Variants in HSDL1 observed in about 807,000 individuals in gnomAD.
HSDL1 encodes inactive hydroxysteroid dehydrogenase-like protein 1.
In HSDL1, 29 loss-of-function variants were observed where a neutral mutation model predicts 31.5. The ratio of observed to expected loss-of-function variants is 0.92; its 90% CI spans 0.69 to 1.26. The LOEUF (loss-of-function observed/expected upper bound fraction) is 1.26, where lower values mean the gene tolerates loss of function less well. Ranked by LOEUF, HSDL1 falls within the 50% of genes most tolerant of loss-of-function variation. The probability of loss-of-function intolerance (pLI) is 0.00; values close to 1 mark genes in which losing one functional copy is unlikely to be tolerated. For missense variants in HSDL1, 503 were observed against 416.6 expected, an observed-to-expected ratio of 1.21 and a Z score of -1.81; for synonymous variants, 222 against 155.2, an observed-to-expected ratio of 1.43 and a Z score of -3.20.
intron 1 of HSDL1, among the ~76,000 whole-genome samples, chr16:84,141,560 C>T (rs377506590): frequency 5.3e-5 from 8 of 152,244 alleles, no homozygotes; most frequent in South Asian, 2.1e-4. Flanking sequence ...AACTGCTGGT[C>T]CACATGCATT....
rs1279621944 is a variant in HSDL1 at position 84,123,020 on chromosome 16, G to C, written c.*1610C>G. 2.6e-5 allele frequency: 4 copies of C among 152,168 alleles called. No homozygotes were observed. Among genetic ancestry groups the C allele is most frequent in the Non-Finnish European group, 4.4e-5 (3 of 68,036 alleles). The allele number at this position is 152,168 out of a possible 1,614,324, so 9.4% of individuals were successfully genotyped here. ...TTGCTGCTGCTTATTATACATCAAA[G>C]TTCACGTCAATGTGGCATGAAGTCA... On this transcript the variant is annotated 3_prime_UTR_variant, in exon 6 of 6. Transcript: ENST00000219439.
chr16:84,137,049 T>C (rs1030451089), intron 1 of HSDL1, among the ~76,000 whole-genome samples: 18 of 152,312 alleles, frequency 1.2e-4, no homozygotes, highest in African/African-American at 4.3e-4. Flanking sequence ...ACCAAACTTC[T>C]AGAACAGCAA....
rs148877276 is a variant in HSDL1 at position 84,142,648 on chromosome 16, A to T, written c.-69+2432T>A. 3.7e-3 allele frequency among the ~76,000 whole-genome samples: 568 copies of T among 151,510 alleles called. 5 individuals carry two copies. The highest frequency in any genetic ancestry group is 0.013 in the African/African-American group (545 of 41,286). On this transcript the variant is annotated intron_variant, in intron 1 of 5. Coordinates refer to ENST00000219439, the MANE Select transcript of HSDL1 (RefSeq NM_031463.5). ...TTAGTAGAGACGGGGGTTTCACCAT[A>T]TTGGCCAGGCTGGTCTTGAACTCCT...
At chr16:84,138,150 T>C (rs920817418) in intron 1 of HSDL1, among the ~76,000 whole-genome samples, 1 of 152,222 alleles carries the variant, frequency 6.6e-6, no homozygotes, top group African/African-American at 2.4e-5. Flanking sequence ...TATTTTGTTA[T>C]AGCAGCTCAA....
chr16:84,131,507 A>G (rs1475225697), intron 2 of HSDL1, among the ~76,000 whole-genome samples, 180 bp from the exon 3 acceptor site: 2 of 151,398 alleles, frequency 1.3e-5, no homozygotes, highest in Admixed American at 6.6e-5. Flanking sequence ...CTATCTATCT[A>G]TCTATCTATC....
chr16:84,138,196 A>G (rs2086730756), intron 1 of HSDL1, among the ~76,000 whole-genome samples: 1 of 152,250 alleles, frequency 6.6e-6, no homozygotes, highest in African/African-American at 2.4e-5. Flanking sequence ...AGAGAAACCC[A>G]TGATGTGGAA....
Position 84,132,538 on chromosome 16 carries a change from G to C in HSDL1, c.-6-1211C>G, listed in dbSNP as rs559057395. ...GAAAAGTCCAACACAACTCTGTTGA[G>C]TGTCCACATAGCAAGTATATACTAA... On this transcript the variant is annotated intron_variant, in intron 2 of 5. Coordinates refer to ENST00000219439, the MANE Select transcript of HSDL1 (RefSeq NM_031463.5). Among the ~76,000 whole-genome samples, 31 of 152,306 alleles carry C rather than the reference G, an allele frequency of 2.0e-4. No individual in the cohort carries two copies. The East Asian group carries it at 5.8e-3, about 28-fold the overall frequency.
Position 84,130,463 on chromosome 16 carries a change from G to A in HSDL1, c.221-32C>T, listed in dbSNP as rs369932236. On this transcript the variant is annotated intron_variant, in intron 3 of 5. Coordinates refer to ENST00000219439, the MANE Select transcript of HSDL1 (RefSeq NM_031463.5). Reference sequence around the variant, plus strand: ...TGCAAGTCAGGAAAAGTGAGCATGTGTATTTCACGGTGTGACCCTTAAAAT... The same window carrying A: ...TGCAAGTCAGGAAAAGTGAGCATGTATATTTCACGGTGTGACCCTTAAAAT... The A allele has an allele frequency of 1.3e-3, 2,027 of 1,556,746 alleles. 2 individuals are homozygous for A. Among genetic ancestry groups the A allele is most frequent in the Non-Finnish European group, 1.7e-3 (1,890 of 1,144,632 alleles).
chr16:84,126,394 T>C (rs2086607028), intron 5 of HSDL1, among the ~76,000 whole-genome samples: 1 of 151,864 alleles, frequency 6.6e-6, no homozygotes, highest in Non-Finnish European at 1.5e-5. Context: ...TGAAAACAAA[T>C]TTGGTCGTCA....
chr16:84,136,212 G>A (rs757881075), intron 1 of HSDL1, among the ~76,000 whole-genome samples: 23 of 152,236 alleles, frequency 1.5e-4, no homozygotes, highest in Admixed American at 5.2e-4. Flanking sequence ...AGGGTGGCAG[G>A]GAGGAAGGCG....
At chr16:84,130,684 G>A (rs1355877794) in intron 3 of HSDL1, among the ~76,000 whole-genome samples, 1 of 152,232 alleles carries the variant, frequency 6.6e-6, no homozygotes, top group Non-Finnish European at 1.5e-5. Context: ...AGGAGACACA[G>A]TAGGAATTTG....
chr16:84,124,412 C>T lies in HSDL1; in HGVS notation c.*218G>A. On this transcript the variant is annotated 3_prime_UTR_variant, in exon 6 of 6. Transcript: ENST00000219439. ...AAAAGCACTGAAATGTAGATGTCGT[C>T]AATCAGCCTCAGGCATTATTGATCC... 2.4e-6 allele frequency: 1 copy of T among 422,272 alleles called. No homozygotes were observed. The allele number at this position is 422,272 out of a possible 1,614,324, so 26.2% of individuals were successfully genotyped here. A position where few individuals can be genotyped will look rare whatever the true frequency, so the allele number is the denominator to read the frequency against.
chr16:84,132,689 G>C (rs541719942), intron 2 of HSDL1, among the ~76,000 whole-genome samples: 2 of 152,298 alleles, frequency 1.3e-5, no homozygotes, highest in East Asian at 1.9e-4. Context: ...GTAGGTGTGT[G>C]CCTGCAATCA....
chr16:84,127,948 T>G (rs1363755636), intron 5 of HSDL1, among the ~76,000 whole-genome samples: 1 of 150,210 alleles, frequency 6.7e-6, no homozygotes, highest in African/African-American at 2.4e-5. Context: ...CTCGATCTCC[T>G]GACCTCGTGA....
chr16:84,129,316 C>T (rs1343412047), intron 5 of HSDL1, among the ~76,000 whole-genome samples: 1 of 151,872 alleles, frequency 6.6e-6, no homozygotes, highest in Non-Finnish European at 1.5e-5. Context: ...GGAGGCGGAG[C>T]TTGCAGTGAG....
rs192749918 is a variant in HSDL1 at position 84,131,042 on chromosome 16, C to T, written c.220+60G>A. ...AAAAACACCACATTAAATTCAATAG[C>T]TCCTTGAATAATGCATCCGACTTCA... On this transcript the variant is annotated intron_variant, in intron 3 of 5. Coordinates refer to ENST00000219439, the MANE Select transcript of HSDL1 (RefSeq NM_031463.5). The T allele has an allele frequency of 7.2e-5, 94 of 1,309,824 alleles. No homozygotes were observed. In the Middle Eastern group the frequency reaches 3.4e-3, roughly 47 times the overall value. The allele number at this position is 1,309,824 out of a possible 1,614,324, so 81.1% of individuals were successfully genotyped here. A position where few individuals can be genotyped will look rare whatever the true frequency, so the allele number is the denominator to read the frequency against.
chr16:84,136,370 A>T (rs1001986146), intron 1 of HSDL1, among the ~76,000 whole-genome samples: 1 of 152,254 alleles, frequency 6.6e-6, no homozygotes, highest in African/African-American at 2.4e-5. Context: ...CCACCCCAGC[A>T]GGCTATAGTC....
rs2086662977 is a variant in HSDL1 at position 84,131,323 on chromosome 16, G to A, written c.-2C>T. ...GTAGAAACTGTCAACAGCAGCCATG[G>A]CAACCTGCAGGGAGAGGGAAAGAGA... On this transcript the variant is annotated 5_prime_UTR_variant, in exon 3 of 6. Coordinates refer to ENST00000219439, the MANE Select transcript of HSDL1 (RefSeq NM_031463.5). 5.6e-6 allele frequency: 9 copies of A among 1,608,208 alleles called. No individual in the cohort carries two copies. Among genetic ancestry groups the A allele is most frequent in the South Asian group, 2.2e-5 (2 of 90,932 alleles).
intron 1 of HSDL1, among the ~76,000 whole-genome samples, chr16:84,137,899 T>C (rs2086727170): frequency 6.6e-6 from 1 of 152,264 alleles, no homozygotes; most frequent in Admixed American, 6.5e-5. Flanking sequence ...TTTAGGTATC[T>C]GACTAGTTAC....
Sources: allele counts gnomAD v4.1 joint callset (sites outside exome capture counted in the v4.1 genomes callset), GRCh38; gene constraint gnomAD v4.1.1; transcripts MANE v1.5; gene names NCBI Gene and HGNC (gene_info 2026-07-23, HGNC 2026-07-21).